Variants in SLCO1B1 observed in about 807,000 individuals in gnomAD.
The protein encoded by SLCO1B1 is solute carrier organic anion transporter family member 1B1, also known as OATP-2.
SLCO1B1 carries 81 observed loss-of-function variants against 70.1 expected under a neutral mutation model. The ratio of observed to expected loss-of-function variants is 1.16; its 90% CI spans 0.97 to 1.39. The LOEUF (loss-of-function observed/expected upper bound fraction) is 1.39. Among genes scored for constraint, SLCO1B1 ranks in the 40% most tolerant of loss-of-function variants. The pLI is 0.00. For missense variants in SLCO1B1, 895 were observed against 799.6 expected (o/e 1.12, Z -1.44); for synonymous variants, 283 against 271.5 (o/e 1.04, Z -0.42).
chr12:21,163,503 T>C (rs540562179), intron 2 of SLCO1B1, among the ~76,000 whole-genome samples: 10 of 152,326 alleles, frequency 6.6e-5, no homozygotes, highest in African/African-American at 2.2e-4. Context: ...AATTGCAAAC[T>C]CTGTCTTCTT....
At chr12:21,196,897 T>C (rs371810558) in intron 7 of SLCO1B1, 49 bp from the exon 8 acceptor site, 23 of 1,563,902 alleles carry the variant, frequency 1.5e-5, no homozygotes, top group African/African-American at 6.8e-5. Context: ...CCTGAACCTA[T>C]TGTATTTCAA....
Position 21,217,193 on chromosome 12 carries a change from C to T in SLCO1B1, c.1572C>T (p.Cys524=), listed in dbSNP as rs2121179888. 1 of 1,613,636 alleles carries T rather than the reference C, an allele frequency of 6.2e-7. No individual in the cohort carries two copies. Among genetic ancestry groups the T allele is most frequent in the Non-Finnish European group, 8.5e-7 (1 of 1,179,654 alleles). The change falls in exon 12 of 15, where the codon TGC becomes TGT. Residue 524 remains cysteine, a synonymous_variant. Transcript: ENST00000256958. ...ATTACTCAGCCCATTTGGGTGAATG[C>T]CCAAGAGATGATGCTTGTACAAGGA... ...NRNYSAHLGE[C]PRDDACTRKF...
rs531235015 is a variant in SLCO1B1, at chr12:21,133,488, C to T, written c.-62+2252C>T. Reference sequence around the variant, plus strand: ...AGCATGGAATGTTCTTCTATTTGTTCGTATCCTCTTTTATTTCATTGAGCA... The same window carrying T: ...AGCATGGAATGTTCTTCTATTTGTTTGTATCCTCTTTTATTTCATTGAGCA... On this transcript the variant is annotated intron_variant, in intron 1 of 14. Coordinates refer to ENST00000256958, the MANE Select transcript of SLCO1B1 (RefSeq NM_006446.5). 9.6e-4 allele frequency among the ~76,000 whole-genome samples: 146 copies of T among 152,036 alleles called. 2 individuals carry two copies. The highest frequency in any genetic ancestry group is 2.9e-3 in the African/African-American group (121 of 41,470).
chr12:21,227,314 C>T (rs547606193), intron 14 of SLCO1B1, among the ~76,000 whole-genome samples: 3 of 151,912 alleles, frequency 2.0e-5, no homozygotes, highest in African/African-American at 7.2e-5. Flanking sequence ...TTCTTCAAGA[C>T]ATATTTTTAT....
At chr12:21,134,510 A>G (rs186347687) in intron 1 of SLCO1B1, among the ~76,000 whole-genome samples, 3 of 151,968 alleles carry the variant, frequency 2.0e-5, no homozygotes, top group African/African-American at 7.3e-5. Context: ...TCAATTTCAG[A>G]GCCTGTTATT....
intron 10 of SLCO1B1, among the ~76,000 whole-genome samples, chr12:21,204,328 G>A (rs1200505541): frequency 6.6e-6 from 1 of 151,756 alleles, no homozygotes; most frequent in African/African-American, 2.4e-5. Context: ...TCCAAGGTAT[G>A]TTATTAATTC....
chr12:21,134,175 G>A (rs1049404889), intron 1 of SLCO1B1, among the ~76,000 whole-genome samples: 1 of 152,212 alleles, frequency 6.6e-6, no homozygotes, highest in Admixed American at 6.5e-5. Context: ...GCATCCCAGG[G>A]ATGAATCCCA....
intron 2 of SLCO1B1, among the ~76,000 whole-genome samples, chr12:21,160,510 A>G (rs1340589314): frequency 6.6e-6 from 1 of 152,040 alleles, no homozygotes; most frequent in Non-Finnish European, 1.5e-5. Flanking sequence ...AAAAAAAATC[A>G]ACTCCAGGCA....
chr12:21,175,421 A>G (rs1940807478), intron 4 of SLCO1B1, among the ~76,000 whole-genome samples: 1 of 152,074 alleles, frequency 6.6e-6, no homozygotes, highest in Admixed American at 6.6e-5. Context: ...CATTTCACAC[A>G]TAGATATATA....
intron 14 of SLCO1B1, among the ~76,000 whole-genome samples, chr12:21,233,240 T>C (rs1365810097): frequency 1.3e-5 from 2 of 152,136 alleles, no homozygotes; most frequent in Non-Finnish European, 2.9e-5. Flanking sequence ...TTGAGCTTCC[T>C]TCAGGACTCA....
intron 2 of SLCO1B1, among the ~76,000 whole-genome samples, chr12:21,158,165 C>T (rs1398750928): frequency 3.3e-5 from 5 of 152,052 alleles, no homozygotes; most frequent in African/African-American, 1.2e-4. Flanking sequence ...GTATACCCAT[C>T]CTATGTTCGT....
rs553033598 is a variant in SLCO1B1, at chr12:21,222,037, A to T, written c.1683-263A>T. Among the ~76,000 whole-genome samples the T allele has an allele frequency of 2.6e-5, 4 of 152,200 alleles. No individual in the cohort carries two copies. The South Asian group carries it at 8.3e-4, about 31-fold the overall frequency. On this transcript the variant is annotated intron_variant, in intron 12 of 14. Coordinates refer to ENST00000256958, the MANE Select transcript of SLCO1B1 (RefSeq NM_006446.5). ...TAAAGTCTGTTCTAACCACTTCCTCATAGGATTTTCATAAGTACCATATGA... is the reference window on the plus strand; with the variant it reads ...TAAAGTCTGTTCTAACCACTTCCTCTTAGGATTTTCATAAGTACCATATGA...
chr12:21,158,074 TA>T (rs1260938025), intron 2 of SLCO1B1, among the ~76,000 whole-genome samples: 1 of 152,036 alleles, frequency 6.6e-6, no homozygotes, highest in African/African-American at 2.4e-5. Flanking sequence ...ATGTGAAGAG[TA>T]AAAAAATTTT....
chr12:21,183,966 A>ACAGAACATACCAAAGAGAGAAAAGAATCT (rs1940934190), intron 7 of SLCO1B1, among the ~76,000 whole-genome samples: 1 of 152,162 alleles, frequency 6.6e-6, no homozygotes. Context: ...ACCTTTAGCA[A>ACAGAACATACCAAAGAGAGAAAAGAATCT]CAGAACATAC....
chr12:21,221,966 A>G (rs1941427841), intron 12 of SLCO1B1, among the ~76,000 whole-genome samples: 1 of 152,100 alleles, frequency 6.6e-6, no homozygotes, highest in Admixed American at 6.6e-5. Context: ...CACACTTATT[A>G]TAACACTGAC....
In SLCO1B1 at chr12:21,158,307, T is replaced by C. The variant is rs530878001; in HGVS notation, c.85-14343T>C. Among the ~76,000 whole-genome samples, 10 of 152,322 alleles carry C rather than the reference T, an allele frequency of 6.6e-5. No individual in the cohort carries two copies. The South Asian group carries it at 2.1e-3, about 32-fold the overall frequency. ...AGTTGTATATCCATGTTATTAGATG[T>C]TTAAAATTCAAAAAATAATTAATTC... is the stretch of plus-strand genomic sequence containing the variant. On this transcript the variant is annotated intron_variant, in intron 2 of 14. Coordinates refer to ENST00000256958, the MANE Select transcript of SLCO1B1 (RefSeq NM_006446.5).
intron 1 of SLCO1B1, among the ~76,000 whole-genome samples, chr12:21,135,356 G>C (rs1270244284): frequency 6.6e-6 from 1 of 152,132 alleles, no homozygotes; most frequent in Non-Finnish European, 1.5e-5. Context: ...AGGTCCGCTT[G>C]GTGCAGAGCT....
intron 14 of SLCO1B1, among the ~76,000 whole-genome samples, chr12:21,232,888 C>T (rs527968980): frequency 6.6e-6 from 1 of 152,112 alleles, no homozygotes; most frequent in African/African-American, 2.4e-5. Context: ...CTGCTCATTG[C>T]ACCATAGCTT....
At chr12:21,194,874 AG>A (rs1306476771) in intron 7 of SLCO1B1, among the ~76,000 whole-genome samples, 1 of 152,232 alleles carries the variant, frequency 6.6e-6, no homozygotes, top group Non-Finnish European at 1.5e-5. Context: ...GGAGACCCCA[AG>A]GAGCTTTTAC....
Sources: gnomAD v4.1 joint callset for allele counts (sites outside exome capture counted in the v4.1 genomes callset) on GRCh38, gnomAD v4.1.1 for gene constraint, MANE v1.5 for transcripts, NCBI Gene and HGNC (gene_info 2026-07-23, HGNC 2026-07-21) for gene names.